GALNTL6: variants seen among roughly 807,000 people sequenced by gnomAD.
GALNTL6 encodes the protein polypeptide N-acetylgalactosaminyltransferase-like 6.
In GALNTL6, 46 loss-of-function variants were observed where a neutral mutation model predicts 73.7. The ratio of observed to expected loss-of-function variants is 0.62; its 90% confidence interval spans 0.49 to 0.80. The LOEUF (loss-of-function observed/expected upper bound fraction) is 0.80, where lower values mean the gene tolerates loss of function less well. Among genes scored for constraint, GALNTL6 ranks in the 30% least tolerant of loss-of-function variants. The pLI, the probability that GALNTL6 is intolerant of heterozygous loss-of-function variation, is 0.00. For missense variants in GALNTL6, 604 were observed against 755.0 expected (o/e 0.80, Z 2.34); for synonymous variants, 259 against 263.7 (o/e 0.98, Z 0.17).
intron 2 of GALNTL6, among the ~76,000 whole-genome samples, chr4:171,913,662 A>T (rs1484689899): frequency 1.3e-5 from 2 of 152,234 alleles, no homozygotes; most frequent in Non-Finnish European, 2.9e-5. Flanking sequence ...GTCAAATTAT[A>T]TCAAAGGAAA....
intron 5 of GALNTL6, among the ~76,000 whole-genome samples, chr4:172,661,440 G>A (rs2111179942): frequency 6.6e-6 from 1 of 152,048 alleles, no homozygotes; most frequent in East Asian, 1.9e-4. Flanking sequence ...CTGTTTCTCT[G>A]GAGAACACTG....
At chr4:173,028,047 G>A (rs866193689) in intron 12 of GALNTL6, among the ~76,000 whole-genome samples, 1 of 152,148 alleles carries the variant, frequency 6.6e-6, no homozygotes, top group African/African-American at 2.4e-5. Flanking sequence ...GATCCATCAT[G>A]TTCAAGGATT....
chr4:172,620,020 T>A (rs1378769746), intron 5 of GALNTL6, among the ~76,000 whole-genome samples: 1 of 152,206 alleles, frequency 6.6e-6, no homozygotes, highest in Non-Finnish European at 1.5e-5. Context: ...TTTCCTTTCA[T>A]TATGACATGC....
intron 2 of GALNTL6, among the ~76,000 whole-genome samples, chr4:171,880,682 G>A (rs1302639129): frequency 1.3e-5 from 2 of 152,086 alleles, no homozygotes; most frequent in South Asian, 2.1e-4. Context: ...GAAATGAAAG[G>A]TCAATCCCTA....
At chr4:172,196,188 A>C (rs1202029435) in intron 2 of GALNTL6, among the ~76,000 whole-genome samples, 1 of 152,190 alleles carries the variant, frequency 6.6e-6, no homozygotes, top group East Asian at 1.9e-4. Context: ...AATAAACTAC[A>C]AAATCTGGAA....
chr4:172,897,839 G>C (rs964376193), intron 8 of GALNTL6, among the ~76,000 whole-genome samples: 1 of 152,172 alleles, frequency 6.6e-6, no homozygotes, highest in Admixed American at 6.5e-5. Context: ...TGGTGATGTT[G>C]CTCCTCCCAA....
chr4:172,033,181 G>A (rs1741822391), intron 2 of GALNTL6, among the ~76,000 whole-genome samples: 1 of 151,948 alleles, frequency 6.6e-6, no homozygotes, highest in Non-Finnish European at 1.5e-5. Flanking sequence ...GAGAGAGAGA[G>A]AGAGAGAGAG....
chr4:172,036,583 G>T (rs1246009258), intron 2 of GALNTL6, among the ~76,000 whole-genome samples: 1 of 152,084 alleles, frequency 6.6e-6, no homozygotes, highest in Non-Finnish European at 1.5e-5. Context: ...CACTTTGTAT[G>T]TATTAGTTCA....
chr4:172,480,403 A>T (rs1307688680), intron 5 of GALNTL6, among the ~76,000 whole-genome samples: 1 of 152,194 alleles, frequency 6.6e-6, no homozygotes, highest in Non-Finnish European at 1.5e-5. Flanking sequence ...ATTTAGACTT[A>T]AAGCTATTGC....
chr4:172,455,876 G>A (rs756558916), intron 5 of GALNTL6, among the ~76,000 whole-genome samples: 6 of 152,278 alleles, frequency 3.9e-5, no homozygotes, highest in Non-Finnish European at 8.8e-5. Context: ...CCTCAAGTGG[G>A]TCCCTGACCC....
intron 11 of GALNTL6, among the ~76,000 whole-genome samples, chr4:173,019,229 A>G (rs552075792): frequency 6.6e-6 from 1 of 152,354 alleles, no homozygotes; most frequent in South Asian, 2.1e-4. Flanking sequence ...AATCAATTGC[A>G]TTTAGAACAT....
chr4:172,562,851 A>G (rs1736424372), intron 5 of GALNTL6, among the ~76,000 whole-genome samples: 1 of 152,242 alleles, frequency 6.6e-6, no homozygotes, highest in African/African-American at 2.4e-5. Context: ...ATGGAAAGGA[A>G]CAGGATAAAA....
chr4:171,964,337 A>G (rs933555268), intron 2 of GALNTL6, among the ~76,000 whole-genome samples: 1 of 152,158 alleles, frequency 6.6e-6, no homozygotes. Context: ...AGTTCATTCA[A>G]TATACTTTTA....
intron 4 of GALNTL6, among the ~76,000 whole-genome samples, chr4:172,341,512 A>G (rs1212982375): frequency 4.0e-5 from 6 of 151,012 alleles, no homozygotes; most frequent in Non-Finnish European, 8.8e-5. Flanking sequence ...GTTTGGCTCT[A>G]TGTCCCCACC....
At chr4:172,756,657 C>T (rs564892333) in intron 5 of GALNTL6, among the ~76,000 whole-genome samples, 1 of 151,558 alleles carries the variant, frequency 6.6e-6, no homozygotes, top group South Asian at 2.1e-4. Flanking sequence ...AAAAAGAAAG[C>T]AGATGTGTCT....
intron 2 of GALNTL6, among the ~76,000 whole-genome samples, chr4:171,863,977 G>C (rs756259419): frequency 3.2e-4 from 48 of 152,010 alleles, no homozygotes; most frequent in Non-Finnish European, 1.3e-4. Context: ...GGCCAGGCTG[G>C]TCTCGACCTC....
intron 7 of GALNTL6, among the ~76,000 whole-genome samples, chr4:172,870,210 C>A (rs2111161331): frequency 6.6e-6 from 1 of 152,208 alleles, no homozygotes; most frequent in South Asian, 2.1e-4. Context: ...ACTATTTGAA[C>A]AAATTTATGT....
At chr4:172,305,174 G>A (rs980645773) in intron 3 of GALNTL6, among the ~76,000 whole-genome samples, 1 of 152,018 alleles carries the variant, frequency 6.6e-6, no homozygotes, top group Admixed American at 6.6e-5. Context: ...GTGTGCCAAT[G>A]TACAAGACTG....
intron 5 of GALNTL6, among the ~76,000 whole-genome samples, chr4:172,699,189 C>T (rs887566887): frequency 2.0e-5 from 3 of 152,046 alleles, no homozygotes; most frequent in Non-Finnish European, 4.4e-5. Context: ...TAATCACTTC[C>T]CAAGAGGCCC....
Sources: gnomAD v4.1 joint callset for allele counts (sites outside exome capture counted in the v4.1 genomes callset) on GRCh38, gnomAD v4.1.1 for gene constraint, MANE v1.5 for transcripts, NCBI Gene and HGNC (gene_info 2026-07-23, HGNC 2026-07-21) for gene names.